The following FGF2 variants were observed in gnomAD, a reference collection of about 807,000 sequenced individuals.
FGF2 encodes the protein basic fibroblast growth factor bFGF.
FGF2 carries 13 observed loss-of-function variants against 15.9 expected under a neutral mutation model. That is an observed-to-expected ratio of 0.82 (90% CI 0.53 to 1.30). The LOEUF is 1.30. Among genes scored for constraint, FGF2 ranks in the 50% most tolerant of loss-of-function variants. The pLI is 0.00. For missense variants in FGF2, 163 were observed against 196.9 expected, an observed-to-expected ratio of 0.83 and a Z score of 1.03; for synonymous variants, 90 against 78.4, an observed-to-expected ratio of 1.15 and a Z score of -0.78.
chr4:122,866,362 C>T (rs1300023845), intron 1 of FGF2, among the ~76,000 whole-genome samples: 9 of 101,088 alleles, frequency 8.9e-5, no homozygotes, highest in Middle Eastern at 3.8e-3. Context: ...AGCGAGACTC[C>T]GTCTCAAAAA....
At chr4:122,891,424 CT>C (rs57602061) in intron 2 of FGF2, among the ~76,000 whole-genome samples, 4,190 of 135,208 alleles carry the variant, frequency 0.031, 107 homozygotes, top group Admixed American at 0.092. Flanking sequence ...GCCAGCTATC[CT>C]TTTTTTTTTT....
At chr4:122,874,638 T>C (rs1726803358) in intron 1 of FGF2, among the ~76,000 whole-genome samples, 1 of 152,162 alleles carries the variant, frequency 6.6e-6, no homozygotes, top group African/African-American at 2.4e-5. Flanking sequence ...TTTAGTTATC[T>C]ATTATTTAAA....
At chr4:122,891,485 TGAAA>T (rs149556061) in intron 2 of FGF2, among the ~76,000 whole-genome samples, 3,254 of 151,498 alleles carry the variant, frequency 0.021, 61 homozygotes, top group Non-Finnish European at 0.035. Flanking sequence ...CCCTCCCTCC[TGAAA>T]GAGACTGCCA....
At chr4:122,875,635 G>A (rs45555238) in intron 1 of FGF2, among the ~76,000 whole-genome samples, 295 of 152,154 alleles carry the variant, frequency 1.9e-3, no homozygotes, top group African/African-American at 5.7e-3. Flanking sequence ...GTGAAACCGC[G>A]TCTCTACTAA....
Position 122,896,705 on chromosome 4 carries a change from A to G in FGF2, c.*4309A>G, listed in dbSNP as rs970363670. ...TGATGGATTGTTACGAGTTGGCTAT[A>G]TAATGTATGTATGGTATTTTGATTT... On this transcript the variant is annotated 3_prime_UTR_variant, in exon 3 of 3. Coordinates refer to ENST00000644866, the MANE Select transcript of FGF2 (RefSeq NM_001361665.2). 1.3e-5 allele frequency: 2 copies of G among 152,244 alleles called. No homozygotes were observed. Among genetic ancestry groups the G allele is most frequent in the African/African-American group, 4.8e-5 (2 of 41,474 alleles). The allele number at this position is 152,244 out of a possible 1,614,324, so 9.4% of individuals were successfully genotyped here. A position where few individuals can be genotyped will look rare whatever the true frequency, so the allele number is the denominator to read the frequency against.
chr4:122,886,349 G>C (rs1341554995), intron 2 of FGF2, among the ~76,000 whole-genome samples: 1 of 152,064 alleles, frequency 6.6e-6, no homozygotes, highest in Admixed American at 6.5e-5. Flanking sequence ...TATAATCCTT[G>C]CTTACCTGGC....
chr4:122,851,279 GATTT>G (rs1414940411), intron 1 of FGF2, among the ~76,000 whole-genome samples: 1 of 152,136 alleles, frequency 6.6e-6, no homozygotes, highest in African/African-American at 2.4e-5. Flanking sequence ...CTGTGACCCA[GATTT>G]CTTATCTTTA....
At chr4:122,830,730 G>C (rs564717478) in intron 1 of FGF2, among the ~76,000 whole-genome samples, 1 of 140,478 alleles carries the variant, frequency 7.1e-6, no homozygotes, top group Admixed American at 8.1e-5. Flanking sequence ...CAAGCAGCAC[G>C]TACAACATGT....
intron 2 of FGF2, among the ~76,000 whole-genome samples, chr4:122,890,290 A>C (rs1477049497): frequency 2.0e-5 from 3 of 152,198 alleles, no homozygotes; most frequent in Admixed American, 6.5e-5. Flanking sequence ...AATCTTTATG[A>C]ACAGCACAAG....
intron 1 of FGF2, among the ~76,000 whole-genome samples, chr4:122,832,818 T>A (rs991914531): frequency 3.5e-4 from 54 of 152,348 alleles, no homozygotes; most frequent in Admixed American, 2.7e-3. Context: ...GTATCCACTG[T>A]TCAGTTAGCT....
intron 1 of FGF2, among the ~76,000 whole-genome samples, chr4:122,842,089 G>A (rs890852017): frequency 8.5e-5 from 13 of 152,190 alleles, no homozygotes; most frequent in Non-Finnish European, 1.5e-4. Flanking sequence ...TCTTTTTCTA[G>A]AAGAAGCCTA....
In FGF2 at chr4:122,897,722, AACAC is replaced by A; in HGVS notation, c.*5332_*5335del. On this transcript the variant is annotated 3_prime_UTR_variant, in exon 3 of 3. Coordinates refer to ENST00000644866, the MANE Select transcript of FGF2 (RefSeq NM_001361665.2). ...AAATAAAGTTAACATAACTTTCACTAACACACACATATGTAGATTTCACAAAATC... is the reference window on the plus strand; with the variant it reads ...AAATAAAGTTAACATAACTTTCACTAACACATATGTAGATTTCACAAAATC... The A allele has an allele frequency of 8.1e-7, 1 of 1,233,150 alleles. No homozygotes were observed. Among genetic ancestry groups the A allele is most frequent in the Non-Finnish European group, 1.2e-6 (1 of 832,380 alleles). 76.4% of individuals were successfully genotyped at this position (1,233,150 alleles called of 1,614,324 possible).
chr4:122,850,485 A>G (rs1055880014), intron 1 of FGF2, among the ~76,000 whole-genome samples: 1 of 152,198 alleles, frequency 6.6e-6, no homozygotes, highest in Non-Finnish European at 1.5e-5. Flanking sequence ...GGATGACTTT[A>G]TAGATGTCTG....
At chr4:122,844,618 T>TTCCTTCCTTCCTTCCTTCCTTCCTTC (rs1726070728) in intron 1 of FGF2, among the ~76,000 whole-genome samples, 13 of 110,772 alleles carry the variant, frequency 1.2e-4, no homozygotes, top group African/African-American at 7.3e-4. Context: ...TTCCTTCCTT[T>TTCCTTCCTTCCTTCCTTCCTTCCTTC]CTTTCTTCCT....
intron 1 of FGF2, among the ~76,000 whole-genome samples, chr4:122,836,013 T>A (rs1256671723): frequency 6.6e-6 from 1 of 152,216 alleles, no homozygotes; most frequent in East Asian, 1.9e-4. Context: ...CCAACAGACT[T>A]CTTTGTGAAA....
intron 1 of FGF2, among the ~76,000 whole-genome samples, chr4:122,851,224 G>A (rs537887010): frequency 4.5e-4 from 68 of 152,274 alleles, no homozygotes; most frequent in Middle Eastern, 6.8e-3. Context: ...TGCTGATCTT[G>A]ACCCTAGATT....
At chr4:122,859,435 A>G (rs900247798) in intron 1 of FGF2, among the ~76,000 whole-genome samples, 2 of 152,202 alleles carry the variant, frequency 1.3e-5, no homozygotes, top group East Asian at 1.9e-4. Context: ...TGGGCTCGCT[A>G]TGGTAAGACA....
rs781084194 is a variant in FGF2, at chr4:122,892,313, C to T, written c.385C>T (p.Arg129Ter). Residue 129 changes from arginine (R) to a stop codon, truncating the protein, a stop_gained, in exon 3 of 3, where the codon CGA becomes TGA. Transcript: ENST00000644866. LOFTEE classifies it high-confidence loss of function. The stretch of plus-strand genomic sequence containing the variant: ...CACCAGTTGGTATGTGGCACTGAAA[C>T]GAACTGGGCAGTATAAACTTGGATC... Reference protein sequence around the residue: ...KYTSWYVALKRTGQYKLGSKT... With the variant: ...KYTSWYVALK 12 of 1,613,866 alleles carry T rather than the reference C, an allele frequency of 7.4e-6. No individual in the cohort carries two copies. The highest frequency in any genetic ancestry group is 6.6e-5 in the South Asian group (6 of 91,078).
At chr4:122,877,777 G>A (rs1181749046) in intron 2 of FGF2, among the ~76,000 whole-genome samples, 1 of 152,138 alleles carries the variant, frequency 6.6e-6, no homozygotes, top group Non-Finnish European at 1.5e-5. Flanking sequence ...TATACAAATA[G>A]TTTTTGAAAT....
Sources: gnomAD v4.1 joint callset for allele counts (sites outside exome capture counted in the v4.1 genomes callset) on GRCh38, gnomAD v4.1.1 for gene constraint, MANE v1.5 for transcripts, NCBI Gene and HGNC (gene_info 2026-07-23, HGNC 2026-07-21) for gene names.